Variants in ZNF346 observed in about 807,000 individuals in gnomAD.
ZNF346 encodes double-stranded RNA-binding zinc finger protein JAZ.
In ZNF346, 23 loss-of-function variants were observed where a neutral mutation model predicts 33.7. The observed-to-expected ratio is 0.68, with a 90% CI of 0.49 to 0.97. The LOEUF is 0.97. Among genes scored for constraint, ZNF346 ranks in the 50% least tolerant of loss-of-function variants. The probability of loss-of-function intolerance (pLI) is 0.00; values close to 1 mark genes in which losing one functional copy is unlikely to be tolerated. For missense variants in ZNF346, 340 were observed against 371.1 expected (o/e 0.92, Z 0.69); for synonymous variants, 134 against 142.4 (o/e 0.94, Z 0.42).
At chr5:177,068,840 C>G (rs1783360537), downstream of ZNF346, among the ~76,000 whole-genome samples, 1 of 143,030 alleles carries the variant, frequency 7.0e-6, no homozygotes, top group Non-Finnish European at 1.5e-5. Flanking sequence ...TTAACTGTTT[C>G]CTTTTTTTCT....
In ZNF346 at chr5:177,067,932, C is replaced by A. The variant is rs1337022859; in HGVS notation, c.*3333C>A. Among the ~76,000 whole-genome samples the A allele has an allele frequency of 6.6e-6, 1 of 151,978 alleles. No individual in the cohort carries two copies. The highest frequency in any genetic ancestry group is 2.4e-5 in the African/African-American group (1 of 41,334). On this transcript the variant is annotated 3_prime_UTR_variant, in exon 7 of 7. Coordinates refer to ENST00000358149, the MANE Select transcript of ZNF346 (RefSeq NM_012279.4). ...CCATCCTGGCCAACGTGGTGAAATCCCATCTCTACAAAAAATAAAAAATAA... is the reference window on the plus strand; with the variant it reads ...CCATCCTGGCCAACGTGGTGAAATCACATCTCTACAAAAAATAAAAAATAA...
intron 5 of ZNF346, among the ~76,000 whole-genome samples, chr5:177,057,642 G>T (rs994775527): frequency 6.6e-6 from 1 of 151,576 alleles, no homozygotes; most frequent in African/African-American, 2.4e-5. Flanking sequence ...GGATGCTGAG[G>T]CAGGAGAATC....
downstream of ZNF346, among the ~76,000 whole-genome samples, chr5:177,071,763 C>T (rs1037556262): frequency 3.9e-5 from 6 of 152,056 alleles, no homozygotes; most frequent in African/African-American, 1.5e-4. Flanking sequence ...GTCCCCACCC[C>T]CAAACCAGAT....
At chr5:177,042,605 A>G (rs1348889650) in intron 3 of ZNF346, among the ~76,000 whole-genome samples, 2 of 152,082 alleles carry the variant, frequency 1.3e-5, no homozygotes, top group East Asian at 3.9e-4. Flanking sequence ...ATAGACTGCT[A>G]CCTCCTATTA....
chr5:177,041,710 T>C, intron 2 of ZNF346, 68 bp from the exon 3 acceptor site: 1 of 977,284 alleles, frequency 1.0e-6, no homozygotes. Context: ...ATCTCATAAG[T>C]GTTTTTGAGT....
intron 4 of ZNF346, among the ~76,000 whole-genome samples, chr5:177,050,337 C>T (rs1486946026): frequency 6.6e-6 from 1 of 152,220 alleles, no homozygotes; most frequent in African/African-American, 2.4e-5. Flanking sequence ...AACTTCGTGT[C>T]CCACTTGCTG....
intron 5 of ZNF346, among the ~76,000 whole-genome samples, chr5:177,057,716 C>T (rs183133039): frequency 1.5e-3 from 213 of 146,566 alleles, no homozygotes; most frequent in African/African-American, 2.3e-3. Context: ...CCAGTCTGGG[C>T]GACGGGGTGA....
chr5:177,054,075 ATTT>A (rs35038931), intron 5 of ZNF346, among the ~76,000 whole-genome samples: 18 of 143,644 alleles, frequency 1.3e-4, no homozygotes, highest in African/African-American at 7.7e-5. Context: ...TACTTCTGGA[ATTT>A]TTTTTTTTTT....
Position 177,039,328 on chromosome 5 carries a change from G to T in ZNF346, c.176-1798G>T, listed in dbSNP as rs184996739. Reference sequence around the variant, plus strand: ...TAAAAGAAAAATGCAGAAATAAAAAGAGATCATTAGGGGCAGAAATACAGC... The same window carrying T: ...TAAAAGAAAAATGCAGAAATAAAAATAGATCATTAGGGGCAGAAATACAGC... On this transcript the variant is annotated intron_variant, in intron 1 of 6. Transcript: ENST00000358149. Among the ~76,000 whole-genome samples, 505 of 152,232 alleles carry T rather than the reference G, an allele frequency of 3.3e-3. 16 individuals are homozygous for T. Among genetic ancestry groups the T allele is most frequent in the Admixed American group, 0.032 (492 of 15,290 alleles).
At chr5:177,071,654 C>T (rs1783508765), downstream of ZNF346, among the ~76,000 whole-genome samples, 1 of 149,654 alleles carries the variant, frequency 6.7e-6, no homozygotes, top group Non-Finnish European at 1.5e-5. Flanking sequence ...CACTGCACTC[C>T]AGCCTGGGCG....
At chr5:177,043,393 T>C (rs577499353) in intron 3 of ZNF346, among the ~76,000 whole-genome samples, 2 of 152,270 alleles carry the variant, frequency 1.3e-5, no homozygotes, top group Admixed American at 6.5e-5. Context: ...GAGATCAGGC[T>C]TTCTGAGAGA....
chr5:177,051,348 T>G (rs1780858131), intron 5 of ZNF346, among the ~76,000 whole-genome samples: 1 of 151,450 alleles, frequency 6.6e-6, no homozygotes, highest in South Asian at 2.1e-4. Context: ...CTAATTTTTT[T>G]GTATTTTTAG....
chr5:177,034,278 T>A (rs919493090), intron 1 of ZNF346, among the ~76,000 whole-genome samples: 1 of 151,732 alleles, frequency 6.6e-6, no homozygotes, highest in Non-Finnish European at 1.5e-5. Flanking sequence ...AGTGGTGTGA[T>A]CACAGCTCAC....
intron 1 of ZNF346, among the ~76,000 whole-genome samples, chr5:177,024,200 C>CTTTTTTTTTTTTTTTTTTT (rs781744965): frequency 1.2e-5 from 1 of 86,900 alleles, no homozygotes; most frequent in African/African-American, 4.7e-5. Context: ...GCCCTCTCTC[C>CTTTTTTTTTTTTTTTTTTT]TTTTTTTTTT....
rs34082036 is a variant in ZNF346, at chr5:177,034,203, C to CTTTT, written c.176-6912_176-6909dup. Among the ~76,000 whole-genome samples the CTTTT allele has an allele frequency of 6.7e-3, 960 of 142,892 alleles. 10 individuals carry two copies. Among genetic ancestry groups the CTTTT allele is most frequent in the African/African-American group, 0.021 (795 of 38,280 alleles). 93.7% of individuals were successfully genotyped at this position (142,892 alleles called of 152,430 possible). On this transcript the variant is annotated intron_variant, in intron 1 of 6. Transcript: ENST00000358149. ...CACCTGGCTTAAATTTCCTTTCTTT[C>CTTTT]TTTTTTTTTTTTTTAATTTTGAGAC...
rs1181982204 is a variant in ZNF346 at position 177,065,734 on chromosome 5, A to C, written c.*1135A>C. ...TAACCTTGAGACGAGAATTCCAAGG[A>C]GTGTCACCATCAGAGGCTTCTCTTC... On this transcript the variant is annotated 3_prime_UTR_variant, in exon 7 of 7. Coordinates refer to ENST00000358149, the MANE Select transcript of ZNF346 (RefSeq NM_012279.4). 1 of 152,218 alleles carries C rather than the reference A, an allele frequency of 6.6e-6. No homozygotes were observed. Among genetic ancestry groups the C allele is most frequent in the Non-Finnish European group, 1.5e-5 (1 of 68,014 alleles). 9.4% of individuals were successfully genotyped at this position (152,218 alleles called of 1,614,324 possible).
At chr5:177,029,026 A>G (rs1777298277) in intron 1 of ZNF346, among the ~76,000 whole-genome samples, 1 of 151,856 alleles carries the variant, frequency 6.6e-6, no homozygotes, top group African/African-American at 2.4e-5. Flanking sequence ...GCCATATAAC[A>G]AGCCCCTTTC....
At chr5:177,038,888 G>C (rs915445987) in intron 1 of ZNF346, among the ~76,000 whole-genome samples, 32 of 150,190 alleles carry the variant, frequency 2.1e-4, no homozygotes, top group African/African-American at 7.6e-4. Flanking sequence ...GTGTGTGTGT[G>C]TGTGTGTGTG....
chr5:177,050,876 A>G lies in ZNF346; in HGVS notation c.643A>G (p.Lys215Glu). 6.2e-7 allele frequency: 1 copy of G among 1,614,182 alleles called. No individual in the cohort carries two copies. The change falls in exon 5 of 7, where the codon AAG becomes GAG. Residue 215 changes from lysine (K) to glutamate (E), a missense_variant. By Grantham distance (56) the Lys-to-Glu change is moderately conservative. Transcript: ENST00000358149. ...VGKKHRKQET[K>E]LKLMARYGRL... is the part of the protein sequence containing the mutation. The stretch of plus-strand genomic sequence containing the variant: ...CAAGAAACACAGAAAACAGGAGACC[A>G]AGCTCAAACTAATGGCACGCTATGG...
Sources: allele counts gnomAD v4.1 joint callset (sites outside exome capture counted in the v4.1 genomes callset), GRCh38; gene constraint gnomAD v4.1.1; transcripts MANE v1.5; gene names NCBI Gene and HGNC (gene_info 2026-07-23, HGNC 2026-07-21).